DGKI: variants seen among roughly 807,000 people sequenced by gnomAD.
DGKI encodes the protein diacylglycerol kinase iota.
DGKI carries 55 observed loss-of-function variants against 147.5 expected under a neutral mutation model. The ratio of observed to expected loss-of-function variants is 0.37; its 90% CI spans 0.30 to 0.47. The LOEUF is 0.47. Ranked by LOEUF, DGKI falls within the 20% of genes least tolerant of loss-of-function variation. DGKI has a pLI of 1.00. For missense variants in DGKI, 1,007 were observed against 1,323.8 expected (o/e 0.76, Z 3.71); for synonymous variants, 469 against 477.1 (o/e 0.98, Z 0.22).
intron 19 of DGKI, among the ~76,000 whole-genome samples, chr7:137,555,519 T>C (rs1818196112): frequency 6.6e-6 from 1 of 151,854 alleles, no homozygotes; most frequent in African/African-American, 2.4e-5. Flanking sequence ...AGCAAGACCC[T>C]GTATCTAAAA....
At chr7:137,579,436 T>TAAAA (rs71533758) in intron 15 of DGKI, among the ~76,000 whole-genome samples, 4 of 108,196 alleles carry the variant, frequency 3.7e-5, no homozygotes, top group African/African-American at 1.2e-4. Flanking sequence ...ACAGAAACAG[T>TAAAA]AAAAAAAAAA....
chr7:137,654,583 T>C (rs1338451635), intron 5 of DGKI, 149 bp downstream of exon 5: 32 of 665,232 alleles, frequency 4.8e-5, no homozygotes, highest in Non-Finnish European at 3.5e-5. Context: ...AAGATTTTAT[T>C]GATTGTGCTT....
intron 1 of DGKI, chr7:137,772,207 T>A (rs987536581): frequency 2.1e-5 from 3 of 145,806 alleles, no homozygotes; most frequent in African/African-American, 7.9e-5. Flanking sequence ...TTGAAATACA[T>A]CATAAAGGTA....
chr7:137,442,388 C>T (rs973319132), intron 28 of DGKI, among the ~76,000 whole-genome samples: 10 of 152,158 alleles, frequency 6.6e-5, no homozygotes, highest in African/African-American at 2.4e-4. Context: ...TTATAATTCA[C>T]AAGTTTCCCT....
intron 21 of DGKI, among the ~76,000 whole-genome samples, chr7:137,492,453 G>T (rs1480304998): frequency 2.6e-5 from 4 of 152,152 alleles, no homozygotes; most frequent in African/African-American, 9.7e-5. Context: ...TGGAAACCCT[G>T]CAGGGGCTAC....
chr7:137,427,352 C>T (rs759919263), intron 28 of DGKI, among the ~76,000 whole-genome samples: 16 of 152,064 alleles, frequency 1.1e-4, no homozygotes, highest in South Asian at 2.1e-4. Flanking sequence ...ATGAAAGCAA[C>T]GAGAACAAAG....
chr7:137,406,722 G>C (rs947188633), intron 30 of DGKI, among the ~76,000 whole-genome samples: 2 of 152,118 alleles, frequency 1.3e-5, no homozygotes, highest in African/African-American at 4.8e-5. Flanking sequence ...CTTTACCATA[G>C]GACTTAAAAC....
intron 1 of DGKI, among the ~76,000 whole-genome samples, chr7:137,792,203 G>A (rs997699903): frequency 1.3e-5 from 2 of 152,126 alleles, no homozygotes; most frequent in African/African-American, 4.8e-5. Context: ...AATCCCTTAG[G>A]ATGGGTGTGG....
intron 28 of DGKI, among the ~76,000 whole-genome samples, chr7:137,412,863 G>GA (rs933393383): frequency 4.5e-4 from 68 of 151,344 alleles, no homozygotes; most frequent in African/African-American, 1.5e-3. Context: ...GATTCTTATG[G>GA]AAAAAAAAGC....
intron 13 of DGKI, 100 bp from the exon 14 acceptor site, chr7:137,585,446 T>C (rs1819358765): frequency 7.0e-7 from 1 of 1,427,710 alleles, no homozygotes; most frequent in Admixed American, 2.5e-5. Flanking sequence ...TATTGTTTAT[T>C]TTATAATTAG....
chr7:137,672,766 C>CTTTTTTTTTTTTT (rs60078498), intron 3 of DGKI, among the ~76,000 whole-genome samples: 6 of 65,692 alleles, frequency 9.1e-5, no homozygotes, highest in African/African-American at 4.3e-4. Flanking sequence ...CTCTGTGTGT[C>CTTTTTTTTTTTTT]TTTTTTTTTT....
intron 14 of DGKI, among the ~76,000 whole-genome samples, chr7:137,584,607 G>A (rs1008884356): frequency 2.6e-5 from 4 of 152,150 alleles, no homozygotes; most frequent in Admixed American, 6.5e-5. Flanking sequence ...CTCACTATCT[G>A]GGTGATGGGA....
chr7:137,506,855 A>G (rs1816385703), intron 21 of DGKI, among the ~76,000 whole-genome samples: 1 of 152,242 alleles, frequency 6.6e-6, no homozygotes. Context: ...TGAGTTTTCT[A>G]CAGACAGATA....
intron 1 of DGKI, among the ~76,000 whole-genome samples, chr7:137,718,792 C>T (rs941546149): frequency 1.3e-5 from 2 of 152,172 alleles, no homozygotes; most frequent in Admixed American, 1.3e-4. Flanking sequence ...CAGGTGACTC[C>T]TTAAGGGCAG....
chr7:137,641,281 G>T (rs150263585), intron 6 of DGKI, among the ~76,000 whole-genome samples: 1 of 152,042 alleles, frequency 6.6e-6, no homozygotes, highest in African/African-American at 2.4e-5. Context: ...GCCCAGTCTC[G>T]GGTATGTGTT....
intron 20 of DGKI, among the ~76,000 whole-genome samples, chr7:137,546,759 C>A (rs1311173714): frequency 6.6e-6 from 1 of 152,224 alleles, no homozygotes. Context: ...TTCATTATAA[C>A]TACATTAGAC....
chr7:137,808,917 G>A (rs1490777824), intron 1 of DGKI, among the ~76,000 whole-genome samples: 1 of 152,174 alleles, frequency 6.6e-6, no homozygotes, highest in Non-Finnish European at 1.5e-5. Flanking sequence ...GCTAAGTAAG[G>A]AAGAAGTGGC....
At chr7:137,630,639 T>G (rs1225982978) in intron 6 of DGKI, among the ~76,000 whole-genome samples, 2 of 152,248 alleles carry the variant, frequency 1.3e-5, no homozygotes, top group Non-Finnish European at 2.9e-5. Flanking sequence ...CCTATAACAA[T>G]GGCAACTGAT....
chr7:137,555,648 G>A lies in DGKI; in HGVS notation c.1948-3080C>T, dbSNP rs77769609. On this transcript the variant is annotated intron_variant, in intron 19 of 32. Coordinates refer to ENST00000614521, the MANE Select transcript of DGKI (RefSeq NM_001321708.2). The stretch of plus-strand genomic sequence containing the variant: ...AAAACCTAGATAAGAAAGAAATTTC[G>A]TGGAAAAATATAACTTACGAAGTTT... Among the ~76,000 whole-genome samples the A allele has an allele frequency of 6.6e-5, 10 of 151,934 alleles. No individual in the cohort carries two copies. The East Asian group carries it at 1.2e-3, about 18-fold the overall frequency.
Sources: gnomAD v4.1 joint callset for allele counts (sites outside exome capture counted in the v4.1 genomes callset) on GRCh38, gnomAD v4.1.1 for gene constraint, MANE v1.5 for transcripts, NCBI Gene and HGNC (gene_info 2026-07-23, HGNC 2026-07-21) for gene names.